TNRC6B: variants seen among roughly 807,000 people sequenced by gnomAD.
TNRC6B encodes the protein trinucleotide repeat-containing gene 6B protein.
A neutral mutation model predicts 203.6 loss-of-function variants in TNRC6B; 52 were observed. That is an observed-to-expected ratio of 0.26 (90% CI 0.20 to 0.32). TNRC6B has a LOEUF of 0.32. Among genes scored for constraint, TNRC6B ranks in the 10% least tolerant of loss-of-function variants. TNRC6B has a pLI of 1.00. For missense variants in TNRC6B, 1,923 were observed against 2,286.2 expected (o/e 0.84, Z 3.24); for synonymous variants, 838 against 845.7 (o/e 0.99, Z 0.16).
chr22:40,218,145 T>G (rs573829456), intron 1 of TNRC6B, among the ~76,000 whole-genome samples: 1 of 152,092 alleles, frequency 6.6e-6, no homozygotes, highest in African/African-American at 2.4e-5. Context: ...GTGCTTGTAA[T>G]ATTCTTAGAG....
chr22:40,205,011 A>G (rs1213038880), intron 1 of TNRC6B, among the ~76,000 whole-genome samples: 1 of 152,226 alleles, frequency 6.6e-6, no homozygotes, highest in Non-Finnish European at 1.5e-5. Context: ...TTTTGAAGAC[A>G]GTATACAACT....
intron 21 of TNRC6B, among the ~76,000 whole-genome samples, chr22:40,318,322 C>T (rs959215977): frequency 6.6e-6 from 1 of 152,024 alleles, no homozygotes; most frequent in African/African-American, 2.4e-5. Context: ...CCGAGGCGGG[C>T]AGATCACAAG....
At chr22:40,177,648 G>GT (rs1290488936), upstream of TNRC6B, among the ~76,000 whole-genome samples, 2 of 152,186 alleles carry the variant, frequency 1.3e-5, no homozygotes, top group African/African-American at 4.8e-5. Flanking sequence ...TCCAGGAGCT[G>GT]TAAGAATCGT....
At chr22:40,299,392 A>G (rs947613012) in intron 12 of TNRC6B, among the ~76,000 whole-genome samples, 3 of 152,132 alleles carry the variant, frequency 2.0e-5, no homozygotes, top group African/African-American at 7.2e-5. Flanking sequence ...GGCATGCGCC[A>G]TCACACCCAG....
intron 16 of TNRC6B, 57 bp from the exon 17 acceptor site, chr22:40,310,760 G>C: frequency 1.3e-6 from 2 of 1,503,114 alleles, no homozygotes; most frequent in Non-Finnish European, 1.8e-6. Flanking sequence ...ATAAAAAATA[G>C]ACAAGTTCTA....
In TNRC6B at chr22:40,281,163, G is replaced by A; in HGVS notation, c.3456G>A (p.Glu1152=). ...FSNQDGCLGD[E]APCSPFSPSP... is the part of the protein sequence containing the mutation. Reference sequence around the variant, plus strand: ...ATCAAGATGGGTGCCTTGGGGATGAGGCTCCCTGCTCTCCCTTCTCCCCTT... The same window carrying A: ...ATCAAGATGGGTGCCTTGGGGATGAAGCTCCCTGCTCTCCCTTCTCCCCTT... Residue 1152 remains glutamate (E), a synonymous_variant, in exon 11 of 23, where the codon GAG becomes GAA. Transcript: ENST00000454349. 6.4e-7 allele frequency: 1 copy of A among 1,551,050 alleles called. No individual in the cohort carries two copies.
At chr22:40,217,069 A>G (rs138023) in intron 1 of TNRC6B, among the ~76,000 whole-genome samples, 93,457 of 151,940 alleles carry the variant, frequency 0.62, 33,399 homozygotes, top group East Asian at 0.99. Flanking sequence ...CCTCTAAGTC[A>G]TCTGCTCTGG....
At chr22:40,152,412 C>T (rs916843353) in intron 3 of TNRC6B, among the ~76,000 whole-genome samples, 3 of 152,188 alleles carry the variant, frequency 2.0e-5, no homozygotes, top group African/African-American at 7.2e-5. Flanking sequence ...CTGCAAGCTC[C>T]GCCTCCCGGG....
At chr22:40,053,693 CAT>C (rs1433664841) in intron 1 of TNRC6B, among the ~76,000 whole-genome samples, 10 of 152,184 alleles carry the variant, frequency 6.6e-5, no homozygotes, top group African/African-American at 2.4e-4. Context: ...CTGTGTCTGT[CAT>C]ATCGTAGACA....
intron 1 of TNRC6B, among the ~76,000 whole-genome samples, chr22:40,087,508 A>G (rs2068110930): frequency 6.6e-6 from 1 of 152,238 alleles, no homozygotes; most frequent in African/African-American, 2.4e-5. Flanking sequence ...AGACAATTAT[A>G]TATGTAATTC....
intron 8 of TNRC6B, among the ~76,000 whole-genome samples, chr22:40,277,751 T>G (rs1196741603): frequency 2.0e-5 from 3 of 152,230 alleles, no homozygotes; most frequent in Non-Finnish European, 4.4e-5. Context: ...GGCAGCTGTT[T>G]ATCTATTGCT....
At chr22:40,166,724 G>A (rs1236332509) in intron 4 of TNRC6B, among the ~76,000 whole-genome samples, 4 of 151,776 alleles carry the variant, frequency 2.6e-5, no homozygotes, top group South Asian at 2.1e-4. Context: ...GTGAAACCCC[G>A]TCTCTACTGA....
intron 1 of TNRC6B, among the ~76,000 whole-genome samples, chr22:40,048,530 G>A (rs1166631531): frequency 6.8e-6 from 1 of 148,066 alleles, no homozygotes. Flanking sequence ...AACAGAGCGA[G>A]GCTCCGTCTC....
At chr22:40,289,131 T>A (rs2070833750) in intron 12 of TNRC6B, among the ~76,000 whole-genome samples, 1 of 152,034 alleles carries the variant, frequency 6.6e-6, no homozygotes, top group Non-Finnish European at 1.5e-5. Flanking sequence ...AAATTTTTTT[T>A]AATGATCCAG....
chr22:40,166,003 A>G (rs1044374380), intron 4 of TNRC6B, among the ~76,000 whole-genome samples: 1 of 152,062 alleles, frequency 6.6e-6, no homozygotes, highest in African/African-American at 2.4e-5. Context: ...TTGGGCAGAA[A>G]ATGCCTTTCT....
At chr22:40,144,911 T>C (rs1002448072) in intron 3 of TNRC6B, among the ~76,000 whole-genome samples, 7 of 151,600 alleles carry the variant, frequency 4.6e-5, no homozygotes, top group Non-Finnish European at 8.8e-5. Flanking sequence ...AATCTATATG[T>C]TGCTTGAAGG....
At chr22:40,247,415 C>T (rs1242604183) in intron 2 of TNRC6B, among the ~76,000 whole-genome samples, 2 of 152,074 alleles carry the variant, frequency 1.3e-5, no homozygotes, top group Non-Finnish European at 2.9e-5. Flanking sequence ...TTGGATATAG[C>T]GTTTCTCATA....
Position 40,331,950 on chromosome 22 carries a change from G to A in TNRC6B, c.*8709G>A, listed in dbSNP as rs2043987011. The A allele has an allele frequency of 3.7e-6, 1 of 266,862 alleles. No individual in the cohort carries two copies. The highest frequency in any genetic ancestry group is 7.0e-6 in the Non-Finnish European group (1 of 141,940). 16.5% of individuals were successfully genotyped at this position (266,862 alleles called of 1,614,324 possible). ...GTCTGATGGCCAGGTAAATTCCAGG[G>A]GGCCTGCAGTTCCTGTCAACCAATG... On this transcript the variant is annotated 3_prime_UTR_variant, in exon 23 of 23. Coordinates refer to ENST00000454349, the MANE Select transcript of TNRC6B (RefSeq NM_001162501.2).
At chr22:40,110,441 G>A (rs1470228373) in intron 1 of TNRC6B, among the ~76,000 whole-genome samples, 2 of 152,188 alleles carry the variant, frequency 1.3e-5, no homozygotes, top group Admixed American at 6.5e-5. Flanking sequence ...TGCTGTTCTT[G>A]TAACCCTCGG....
Sources: allele counts gnomAD v4.1 joint callset (sites outside exome capture counted in the v4.1 genomes callset), GRCh38; gene constraint gnomAD v4.1.1; transcripts MANE v1.5; gene names NCBI Gene and HGNC (gene_info 2026-07-23, HGNC 2026-07-21).